Variants in XAB2 observed in about 807,000 individuals in gnomAD.
XAB2 encodes the protein XPA binding protein 2.
Under a neutral mutation model 113.4 loss-of-function variants are expected in XAB2, and 57 were observed. The ratio of observed to expected loss-of-function variants is 0.50; its 90% CI spans 0.41 to 0.63. The LOEUF is 0.63. Among genes scored for constraint, XAB2 ranks in the 20% least tolerant of loss-of-function variants. The pLI, the probability that XAB2 is intolerant of heterozygous loss-of-function variation, is 0.00. For missense variants in XAB2, 1,037 were observed against 1,233.3 expected (o/e 0.84, Z 2.38); for synonymous variants, 497 against 498.8 (o/e 1.00, Z 0.05).
chr19:7,623,392 C>T lies in XAB2; in HGVS notation c.1120-103G>A. 1.3e-6 allele frequency: 2 copies of T among 1,492,096 alleles called. No homozygotes were observed. The highest frequency in any genetic ancestry group is 1.2e-5 in the South Asian group (1 of 84,230). The allele number at this position is 1,492,096 out of a possible 1,614,324, so 92.4% of individuals were successfully genotyped here. ...GGGTGGGGCCTGGAGGGTGCTGTGG[C>T]CCCTGTCGGGAGAGGCCAGAAACGA... On this transcript the variant is annotated intron_variant, in intron 8 of 18. Transcript: ENST00000358368. This position sits in a 1 kb window ranked among gnomAD's most constrained non-coding sequence, Gnocchi z 4.6.
rs372386074 is a variant in XAB2 at position 7,620,485 on chromosome 19, G to T, written c.2095-39C>A. The T allele has an allele frequency of 5.0e-6, 8 of 1,608,728 alleles. No individual in the cohort carries two copies. In the South Asian group the frequency reaches 6.6e-5, roughly 13 times the overall value. On this transcript the variant is annotated intron_variant, in intron 15 of 18. Coordinates refer to ENST00000358368, the MANE Select transcript of XAB2 (RefSeq NM_020196.3). ...AGGGCAGGGGTGGGTGTGTGTGCCC[G>T]TGAGCTGGCTGACTCCGCCGCAGCC...
chr19:7,620,523 A>G (rs1177380981), intron 15 of XAB2, 24 bp downstream of exon 15: 2 of 1,612,580 alleles, frequency 1.2e-6, no homozygotes, highest in South Asian at 1.1e-5. Context: ...CAACCCTGAT[A>G]CCCGTCCCTC....
Position 7,621,468 on chromosome 19 carries a change from T to C in XAB2, c.1618-171A>G, listed in dbSNP as rs1599370601. Reference sequence around the variant, plus strand: ...AGTTGTGGGGGTCTGTCCTCTGCACTGTCTCCCTCTGTGAGAACCCCAAGA... The same window carrying C: ...AGTTGTGGGGGTCTGTCCTCTGCACCGTCTCCCTCTGTGAGAACCCCAAGA... On this transcript the variant is annotated intron_variant, in intron 12 of 18. Coordinates refer to ENST00000358368, the MANE Select transcript of XAB2 (RefSeq NM_020196.3). 1.0e-5 allele frequency: 7 copies of C among 673,768 alleles called. No homozygotes were observed. The East Asian group carries it at 1.9e-4, about 18-fold the overall frequency. The allele number at this position is 673,768 out of a possible 1,614,324, so 41.7% of individuals were successfully genotyped here. A position where few individuals can be genotyped will look rare whatever the true frequency, so the allele number is the denominator to read the frequency against.
chr19:7,626,864 G>A (rs995684883), intron 4 of XAB2, among the ~76,000 whole-genome samples: 16 of 152,220 alleles, frequency 1.1e-4, no homozygotes, highest in Middle Eastern at 3.4e-3. Flanking sequence ...ACTCCCGCCC[G>A]GCTGGTGCTT....
At chr19:7,622,922 G>C in intron 9 of XAB2, 29 bp from the exon 10 acceptor site, 1 of 1,609,862 alleles carries the variant, frequency 6.2e-7, no homozygotes. Flanking sequence ...GCGAGGCTGA[G>C]ACCCTGCCCA....
In XAB2 at chr19:7,622,403, G is replaced by A. The variant is rs756209934; in HGVS notation, c.1545C>T (p.Ile515=). 17 of 1,614,078 alleles carry A rather than the reference G, an allele frequency of 1.1e-5. No homozygotes were observed. The highest frequency in any genetic ancestry group is 4.0e-5 in the African/African-American group (3 of 74,916). The change falls in exon 12 of 19, where the codon ATC becomes ATT. Residue 515 remains isoleucine, a synonymous_variant. Coordinates refer to ENST00000358368, the MANE Select transcript of XAB2 (RefSeq NM_020196.3). ...AVYDRILDLR[I]ATPQIVINYA... ...AGTTGATGACGATCTGGGGTGTTGC[G>A]ATACGCAGGTCCAGGATGCGGTCGT...
chr19:7,620,179 T>C, intron 16 of XAB2, 96 bp downstream of exon 16: 1 of 1,595,298 alleles, frequency 6.3e-7, no homozygotes, highest in Non-Finnish European at 8.5e-7. Flanking sequence ...TCAAGGAGAT[T>C]GCCATCAGGA....
chr19:7,621,095 G>GTC, intron 13 of XAB2, 40 bp downstream of exon 13: 1 of 1,486,328 alleles, frequency 6.7e-7, no homozygotes, highest in South Asian at 1.2e-5. Context: ...CAGAAACCCA[G>GTC]CCCGCCCGCC....
chr19:7,623,321 C>T lies in XAB2; in HGVS notation c.1120-32G>A. The T allele has an allele frequency of 6.2e-7, 1 of 1,608,078 alleles. No individual in the cohort carries two copies. The highest frequency in any genetic ancestry group is 8.5e-7 in the Non-Finnish European group (1 of 1,176,638). ...ACAGGAGGGAGGAGGTCATATAGGA[C>T]TCAGGACCCTGCAGATGACGGTCGG... On this transcript the variant is annotated intron_variant, in intron 8 of 18. Coordinates refer to ENST00000358368, the MANE Select transcript of XAB2 (RefSeq NM_020196.3). This position sits in a 1 kb window ranked among gnomAD's most constrained non-coding sequence, Gnocchi z 4.6.
Position 7,621,028 on chromosome 19 carries a change from G to C in XAB2, c.1789C>G (p.Leu597Val). Residue 597 changes from leucine (L) to valine (V), a missense_variant, in exon 14 of 19, where the codon CTG becomes GTG. Transcript: ENST00000358368. ...CPPKYAKTLY[L>V]LYAQLEEEWG... is the part of the protein sequence containing the mutation. Reference sequence around the variant, plus strand: ...TCCTCCTCCAGCTGTGCGTACAGCAGGTACAAGGCTGGGCGGGGTAGGCGG... The same window carrying C: ...TCCTCCTCCAGCTGTGCGTACAGCACGTACAAGGCTGGGCGGGGTAGGCGG... The C allele has an allele frequency of 6.4e-7, 1 of 1,554,614 alleles. No individual in the cohort carries two copies. Among genetic ancestry groups the C allele is most frequent in the Non-Finnish European group, 8.7e-7 (1 of 1,150,554 alleles).
At chr19:7,622,276 C>G (rs999394772) in intron 12 of XAB2, 55 bp downstream of exon 12, 13 of 1,560,838 alleles carry the variant, frequency 8.3e-6, no homozygotes, top group Non-Finnish European at 1.1e-5. Context: ...TGCTGAGGAC[C>G]CCTGGGGAGG....
In XAB2 at chr19:7,628,179, G is replaced by A. The variant is rs768566912; in HGVS notation, c.171C>T (p.Tyr57=). The A allele has an allele frequency of 1.5e-5, 24 of 1,613,708 alleles. No individual in the cohort carries two copies. Among genetic ancestry groups the A allele is most frequent in the Admixed American group, 6.7e-5 (4 of 59,980 alleles). Residue 57 remains tyrosine (Y), a synonymous_variant, in exon 2 of 19, where the codon TAC becomes TAT. Transcript: ENST00000358368. The surrounding 1 kb of genome is among the most constrained non-coding windows in gnomAD (Gnocchi z 4.6). ...AGGGCAGCAGCTTGAGTGCCCGCTC[G>A]TATAGCTGATTGAGCCTGGGCTTCG... is the stretch of plus-strand genomic sequence containing the variant. ...GAPKPRLNQL[Y]ERALKLLPCS...
At position 7,627,182 on chromosome 19, in the gene XAB2, T is replaced by C. The variant is rs890539273; in HGVS notation, c.522+61A>G. 6.3e-7 allele frequency: 1 copy of C among 1,577,972 alleles called. No individual in the cohort carries two copies. Among genetic ancestry groups the C allele is most frequent in the Admixed American group, 1.7e-5 (1 of 59,678 alleles). ...TGGGTGACATCCTACGCGGAGCTAG[T>C]GTCACAGTGAGGCCGTTTCTGGAAA... On this transcript the variant is annotated intron_variant, in intron 4 of 18. Transcript: ENST00000358368. This position sits in a 1 kb window ranked among gnomAD's most constrained non-coding sequence, Gnocchi z 4.5.
Position 7,620,572 on chromosome 19 carries a change from A to T in XAB2, c.2069T>A (p.Phe690Tyr). 6.2e-7 allele frequency: 1 copy of T among 1,613,372 alleles called. No homozygotes were observed. The highest frequency in any genetic ancestry group is 8.5e-7 in the Non-Finnish European group (1 of 1,179,936). ...CCGGGGGTCACAGATCTGGGAGCAG[A>T]AGCTGTAGATGGCCCGGGCGCGGTC... ...EIDRARAIYSFCSQICDPRTT... is the reference protein window; with the variant it reads ...EIDRARAIYSYCSQICDPRTT... Residue 690 changes from phenylalanine to tyrosine, a missense_variant, in exon 15 of 19, where the codon TTC (phenylalanine) becomes TAC (tyrosine). Transcript: ENST00000358368.
At position 7,628,666 on chromosome 19, in the gene XAB2, C is replaced by T. The variant is rs1270934144; in HGVS notation, c.52-368G>A. Among the ~76,000 whole-genome samples the T allele has an allele frequency of 6.6e-6, 1 of 152,148 alleles. No individual in the cohort carries two copies. The highest frequency in any genetic ancestry group is 1.9e-4 in the East Asian group (1 of 5,200). On this transcript the variant is annotated intron_variant, in intron 1 of 18. Transcript: ENST00000358368. The surrounding 1 kb of genome is among the most constrained non-coding windows in gnomAD (Gnocchi z 4.6). Reference sequence around the variant, plus strand: ...CAGTCCTGGACACCAGACCCCACTTCTTCAAAACGTGCCTCTTCCCAGACA... The same window carrying T: ...CAGTCCTGGACACCAGACCCCACTTTTTCAAAACGTGCCTCTTCCCAGACA...
Position 7,624,958 on chromosome 19 carries a change from C to A in XAB2, c.823-513G>T, listed in dbSNP as rs564145543. On this transcript the variant is annotated intron_variant, in intron 6 of 18. Transcript: ENST00000358368. The surrounding 1 kb of genome is among the most constrained non-coding windows in gnomAD (Gnocchi z 4.2). ...CCTGACGGGTCTTGCCCTGCTGCCT[C>A]CGACAGCCTTGGCCTACACGTGCCC... is the stretch of plus-strand genomic sequence containing the variant. 1.3e-5 allele frequency among the ~76,000 whole-genome samples: 2 copies of A among 152,228 alleles called. No individual in the cohort carries two copies. The highest frequency in any genetic ancestry group is 2.9e-5 in the Non-Finnish European group (2 of 68,032).
chr19:7,622,041 G>A (rs920485240), intron 12 of XAB2: 3 of 354,006 alleles, frequency 8.5e-6, no homozygotes, highest in African/African-American at 4.2e-5. Context: ...TCCTTTATAA[G>A]AAGAGGAAAT....
intron 12 of XAB2, 71 bp downstream of exon 12, chr19:7,622,260 G>C (rs1224622035): frequency 1.4e-6 from 2 of 1,427,412 alleles, no homozygotes; most frequent in Non-Finnish European, 2.0e-6. Flanking sequence ...CAGCAGATTC[G>C]TAAGTTGCTG....
Position 7,629,505 on chromosome 19 carries a change from G to T in XAB2, c.23C>A (p.Ser8Ter). 6.2e-7 allele frequency: 1 copy of T among 1,605,118 alleles called. No individual in the cohort carries two copies. Among genetic ancestry groups the T allele is most frequent in the African/African-American group, 1.3e-5 (1 of 74,938 alleles). Residue 8 changes from serine (S) to a stop codon, truncating the protein, a stop_gained, in exon 1 of 19, where the codon TCG becomes TAG. Coordinates refer to ENST00000358368, the MANE Select transcript of XAB2 (RefSeq NM_020196.3). LOFTEE classifies it high-confidence loss of function. MVVMARL[S>*]RPERPDLVFE... ...GACAAGGTCCGGCCGCTCGGGCCGC[G>T]AGAGTCGCGCCATCACCACCATTTT...
Sources: gnomAD v4.1 joint callset for allele counts (sites outside exome capture counted in the v4.1 genomes callset) on GRCh38, gnomAD v4.1.1 for gene constraint, Gnocchi (gnomAD v3.1) non-coding constraint, MANE v1.5 for transcripts, NCBI Gene and HGNC (gene_info 2026-07-23, HGNC 2026-07-21) for gene names.